ARL15: variants seen among roughly 807,000 people sequenced by gnomAD.
The protein encoded by ARL15 is ADP-ribosylation factor-like protein 15.
ARL15 carries 19 observed loss-of-function variants against 25.2 expected under a neutral mutation model. The ratio of observed to expected loss-of-function variants is 0.75; its 90% CI spans 0.53 to 1.10. The LOEUF is 1.10. Among genes scored for constraint, ARL15 ranks in the 50% least tolerant of loss-of-function variants. The pLI, the probability that ARL15 is intolerant of heterozygous loss-of-function variation, is 0.00. For missense variants in ARL15, 220 were observed against 246.0 expected, an observed-to-expected ratio of 0.89 and a Z score of 0.71; for synonymous variants, 94 against 86.8, an observed-to-expected ratio of 1.08 and a Z score of -0.46.
At chr5:53,958,875 T>A (rs1024709791) in intron 4 of ARL15, among the ~76,000 whole-genome samples, 4 of 152,290 alleles carry the variant, frequency 2.6e-5, no homozygotes, top group Admixed American at 2.0e-4. Context: ...TATAAACACA[T>A]ATGCACCAAA....
intron 1 of ARL15, among the ~76,000 whole-genome samples, chr5:54,301,888 A>C (rs1271963352): frequency 1.3e-5 from 2 of 152,266 alleles, no homozygotes; most frequent in Non-Finnish European, 2.9e-5. Context: ...AGTTCCCAGC[A>C]AATCTAGGTA....
chr5:54,011,724 A>G (rs1296790985), intron 4 of ARL15, among the ~76,000 whole-genome samples: 1 of 152,184 alleles, frequency 6.6e-6, no homozygotes, highest in African/African-American at 2.4e-5. Context: ...TTAAAAGAGC[A>G]TAAGGGCCGG....
chr5:53,910,783 C>T (rs1042524666), intron 4 of ARL15, among the ~76,000 whole-genome samples: 1 of 150,796 alleles, frequency 6.6e-6, no homozygotes. Context: ...ATCATGATTC[C>T]CCTGCCCTTT....
intron 4 of ARL15, among the ~76,000 whole-genome samples, chr5:54,033,672 CAAAA>C (rs772061280): frequency 1.4e-5 from 1 of 73,074 alleles, no homozygotes; most frequent in Non-Finnish European, 2.9e-5. Context: ...AATTCCATCT[CAAAA>C]AAAAAAAAAA....
At chr5:54,264,265 A>C (rs2112629118) in intron 1 of ARL15, among the ~76,000 whole-genome samples, 1 of 152,234 alleles carries the variant, frequency 6.6e-6, no homozygotes, top group African/African-American at 2.4e-5. Context: ...CCACTCCATG[A>C]GAAAATTCTA....
At chr5:54,211,985 G>A (rs1710588539) in intron 1 of ARL15, among the ~76,000 whole-genome samples, 1 of 152,106 alleles carries the variant, frequency 6.6e-6, no homozygotes, top group Non-Finnish European at 1.5e-5. Flanking sequence ...GATTCCATTA[G>A]GAATGTGTCT....
intron 4 of ARL15, among the ~76,000 whole-genome samples, chr5:54,003,758 T>G (rs1250343263): frequency 7.0e-6 from 1 of 143,686 alleles, no homozygotes; most frequent in Non-Finnish European, 1.5e-5. Context: ...TTTAGAAACA[T>G]CATTCTTGTG....
chr5:53,924,718 A>G (rs1348192123), intron 4 of ARL15, among the ~76,000 whole-genome samples: 1 of 152,088 alleles, frequency 6.6e-6, no homozygotes, highest in Non-Finnish European at 1.5e-5. Context: ...CAGCAACCAA[A>G]CTGTCTTTGG....
intron 4 of ARL15, among the ~76,000 whole-genome samples, chr5:53,898,080 T>A (rs2111925478): frequency 6.6e-6 from 1 of 152,326 alleles, no homozygotes; most frequent in South Asian, 2.1e-4. Flanking sequence ...CATTATAAAC[T>A]TCTTCACTGT....
intron 4 of ARL15, among the ~76,000 whole-genome samples, chr5:53,902,923 G>GTATGTGCTCAGGTAA (rs1305295754): frequency 1.3e-5 from 2 of 152,206 alleles, no homozygotes; most frequent in Non-Finnish European, 2.9e-5. Context: ...GCACATCTGA[G>GTATGTGCTCAGGTAA]CAAGGGCAAC....
At chr5:54,010,999 CA>C (rs550633292) in intron 4 of ARL15, among the ~76,000 whole-genome samples, 39,954 of 101,530 alleles carry the variant, frequency 0.39, 6,156 homozygotes, top group African/African-American at 0.53. Flanking sequence ...GGCTCCGTCT[CA>C]AAAAAAAAAA....
intron 4 of ARL15, among the ~76,000 whole-genome samples, chr5:54,050,657 C>CT (rs1750678392): frequency 6.6e-6 from 1 of 152,154 alleles, no homozygotes; most frequent in South Asian, 2.1e-4. Context: ...GAATATGAGG[C>CT]TTTATAAACC....
Position 54,274,492 on chromosome 5 carries a change from C to T in ARL15, c.48+35940G>A, listed in dbSNP as rs565065781. On this transcript the variant is annotated intron_variant, in intron 1 of 4. Transcript: ENST00000504924. ...GAAATTAGGAGGGACATTTGTGGCT[C>T]TCAATAGGTTCATTAAACCTAAAAT... 8.5e-5 allele frequency among the ~76,000 whole-genome samples: 13 copies of T among 152,266 alleles called. No homozygotes were observed. In the East Asian group the frequency reaches 2.1e-3, roughly 25 times the overall value.
At chr5:54,034,812 C>T (rs980353963) in intron 4 of ARL15, among the ~76,000 whole-genome samples, 5 of 151,542 alleles carry the variant, frequency 3.3e-5, no homozygotes, top group African/African-American at 1.2e-4. Context: ...AAGCACATGC[C>T]GCCACACTCA....
Position 53,886,031 on chromosome 5 carries a change from T to C in ARL15, c.*530A>G, listed in dbSNP as rs1418716141. On this transcript the variant is annotated 3_prime_UTR_variant, in exon 5 of 5. Coordinates refer to ENST00000504924, the MANE Select transcript of ARL15 (RefSeq NM_019087.3). ...CTGATAAGGTGATTAATGAAGTTTTTGGTGCTCACTTTTCTCTCATAGTCT... is the reference window on the plus strand; with the variant it reads ...CTGATAAGGTGATTAATGAAGTTTTCGGTGCTCACTTTTCTCTCATAGTCT... 1 of 151,630 alleles carries C rather than the reference T, an allele frequency of 6.6e-6. No homozygotes were observed. The highest frequency in any genetic ancestry group is 2.1e-4 in the South Asian group (1 of 4,818). The allele number at this position is 151,630 out of a possible 1,614,324, so 9.4% of individuals were successfully genotyped here.
At chr5:54,201,411 T>G (rs550259478) in intron 1 of ARL15, among the ~76,000 whole-genome samples, 1 of 152,256 alleles carries the variant, frequency 6.6e-6, no homozygotes, top group East Asian at 1.9e-4. Flanking sequence ...AACCTTCTCC[T>G]AAACCCATCT....
At chr5:54,112,926 C>G (rs537086002) in intron 4 of ARL15, among the ~76,000 whole-genome samples, 53 of 152,250 alleles carry the variant, frequency 3.5e-4, no homozygotes, top group Admixed American at 6.5e-4. Flanking sequence ...AATAACCAGG[C>G]CTTTAGCCCC....
chr5:53,906,845 T>A (rs1162766798), intron 4 of ARL15, among the ~76,000 whole-genome samples: 4 of 152,148 alleles, frequency 2.6e-5, no homozygotes, highest in Non-Finnish European at 5.9e-5. Context: ...CTCTGGAAAA[T>A]CATGAAACCC....
chr5:54,304,289 A>G (rs1358023147), intron 1 of ARL15, among the ~76,000 whole-genome samples: 1 of 152,258 alleles, frequency 6.6e-6, no homozygotes, highest in African/African-American at 2.4e-5. Context: ...AGGAAATTAC[A>G]CAACCTCCCT....
Sources: gnomAD v4.1 joint callset for allele counts (sites outside exome capture counted in the v4.1 genomes callset) on GRCh38, gnomAD v4.1.1 for gene constraint, MANE v1.5 for transcripts, NCBI Gene and HGNC (gene_info 2026-07-23, HGNC 2026-07-21) for gene names.